The following PDE1A variants were observed in gnomAD, a reference collection of about 807,000 sequenced individuals.
PDE1A encodes dual specificity calcium/calmodulin-dependent 3',5'-cyclic nucleotide phosphodiesterase 1A.
Under a neutral mutation model 61.7 loss-of-function variants are expected in PDE1A, and 35 were observed. The ratio of observed to expected loss-of-function variants is 0.57; its 90% confidence interval spans 0.43 to 0.75. The LOEUF (loss-of-function observed/expected upper bound fraction) is 0.75, where lower values mean the gene tolerates loss of function less well. Among genes scored for constraint, PDE1A ranks in the 30% least tolerant of loss-of-function variants. PDE1A has a pLI of 0.00. For missense variants in PDE1A, 597 were observed against 630.6 expected (o/e 0.95, Z 0.57); for synonymous variants, 232 against 213.2 (o/e 1.09, Z -0.77).
At chr2:182,396,642 G>A (rs113206896) in intron 1 of PDE1A, among the ~76,000 whole-genome samples, 58 of 151,894 alleles carry the variant, frequency 3.8e-4, no homozygotes, top group African/African-American at 1.3e-3. Context: ...AGTAACATAA[G>A]ATTTATTGAC....
the PDE1A span, among the ~76,000 whole-genome samples, chr2:182,687,628 T>C: frequency 6.6e-6 from 1 of 152,142 alleles, no homozygotes. Flanking sequence ...CGAGCACCTC[T>C]CCTCCTCCAA....
chr2:182,577,835 G>T, the PDE1A span, among the ~76,000 whole-genome samples: 1 of 151,950 alleles, frequency 6.6e-6, no homozygotes. Context: ...TAGGAGAATC[G>T]CTTGAACCTG....
At chr2:182,349,053 A>G (rs1299323371) in intron 1 of PDE1A, among the ~76,000 whole-genome samples, 1 of 152,198 alleles carries the variant, frequency 6.6e-6, no homozygotes, top group African/African-American at 2.4e-5. Flanking sequence ...TGTCATTGCT[A>G]TAGTGATTTC....
chr2:182,436,103 C>T (rs1312037370), intron 2 of PDE1A, among the ~76,000 whole-genome samples: 3 of 151,954 alleles, frequency 2.0e-5, no homozygotes, highest in Non-Finnish European at 4.4e-5. Flanking sequence ...TAGGTTACAA[C>T]ACTTATTACC....
chr2:182,427,163 T>C (rs576759565), upstream of PDE1A: 1 of 197,152 alleles, frequency 5.1e-6, no homozygotes, highest in South Asian at 1.8e-4. Flanking sequence ...TCTCTTAAAA[T>C]AAGAACTGTA....
At chr2:182,197,879 G>T (rs922596468) in intron 10 of PDE1A, among the ~76,000 whole-genome samples, 45 of 151,746 alleles carry the variant, frequency 3.0e-4, no homozygotes, top group African/African-American at 1.0e-3. Flanking sequence ...AATTGTTTTA[G>T]CTGCCTTAGA....
intron 1 of PDE1A, among the ~76,000 whole-genome samples, chr2:182,342,634 G>C (rs1410869732): frequency 6.6e-6 from 1 of 152,218 alleles, no homozygotes; most frequent in Non-Finnish European, 1.5e-5. Flanking sequence ...AGTGAGCTGA[G>C]ATCGCGCCAC....
chr2:182,317,287 G>A (rs922920411), intron 1 of PDE1A, among the ~76,000 whole-genome samples: 29 of 151,132 alleles, frequency 1.9e-4, no homozygotes, highest in Non-Finnish European at 2.1e-4. Flanking sequence ...AGTACTATTG[G>A]ATAAAACTAT....
At chr2:182,635,663 T>C in the PDE1A span, among the ~76,000 whole-genome samples, 1 of 141,938 alleles carries the variant, frequency 7.0e-6, no homozygotes, top group African/African-American at 2.6e-5. Flanking sequence ...CACTTTGTTT[T>C]AAGAGTATCT....
chr2:182,669,122 A>G, the PDE1A span, among the ~76,000 whole-genome samples: 4 of 152,220 alleles, frequency 2.6e-5, no homozygotes, highest in African/African-American at 9.7e-5. Flanking sequence ...TGTTTCCCCC[A>G]AAGAAGCTAT....
At position 182,491,391 on chromosome 2, in the gene PDE1A, G is replaced by A. The variant is rs183318038; in HGVS notation, c.101+30885C>T. 3.5e-3 allele frequency among the ~76,000 whole-genome samples: 539 copies of A among 152,244 alleles called. 16 individuals are homozygous for A. Among genetic ancestry groups the A allele is most frequent in the East Asian group, 4.6e-3 (24 of 5,174 alleles). On this transcript the variant is annotated intron_variant, in intron 2 of 14. Coordinates refer to the PDE1A transcript ENST00000410103. ...CTGTGGCATTTAAGCTTCTTGGGGGGACATGGGCACATGGGAGGAGCAGAA... is the reference window on the plus strand; with the variant it reads ...CTGTGGCATTTAAGCTTCTTGGGGGAACATGGGCACATGGGAGGAGCAGAA...
chr2:182,202,041 C>T (rs956890605), intron 8 of PDE1A, among the ~76,000 whole-genome samples: 2 of 152,196 alleles, frequency 1.3e-5, no homozygotes, highest in African/African-American at 4.8e-5. Context: ...CTAGTGCTTT[C>T]CCTTCTCACT....
intron 13 of PDE1A, among the ~76,000 whole-genome samples, chr2:182,181,190 C>T (rs1223210146): frequency 1.3e-5 from 2 of 152,078 alleles, no homozygotes; most frequent in Admixed American, 6.6e-5. Context: ...GAATTTTCAG[C>T]GTTTTTGCAC....
At chr2:182,324,399 T>C (rs953305633) in intron 1 of PDE1A, among the ~76,000 whole-genome samples, 1 of 152,070 alleles carries the variant, frequency 6.6e-6, no homozygotes, top group Non-Finnish European at 1.5e-5. Flanking sequence ...TTGTTAAATA[T>C]GAAAATGATG....
At chr2:182,621,821 AG>A in the PDE1A span, among the ~76,000 whole-genome samples, 1 of 152,224 alleles carries the variant, frequency 6.6e-6, no homozygotes, top group Non-Finnish European at 1.5e-5. Flanking sequence ...TACATCCTGA[AG>A]AAAAATGAGC....
intron 2 of PDE1A, among the ~76,000 whole-genome samples, chr2:182,484,235 C>T (rs1203798196): frequency 6.6e-6 from 1 of 151,868 alleles, no homozygotes; most frequent in Non-Finnish European, 1.5e-5. Context: ...AGGAACACTT[C>T]CCAACTCTTT....
At chr2:182,211,127 A>G (rs1384523604) in intron 7 of PDE1A, among the ~76,000 whole-genome samples, 1 of 152,078 alleles carries the variant, frequency 6.6e-6, no homozygotes, top group Non-Finnish European at 1.5e-5. Flanking sequence ...ATACCTTCCA[A>G]CCCTGTCACA....
At chr2:182,398,469 A>T (rs1402648991) in intron 1 of PDE1A, among the ~76,000 whole-genome samples, 1 of 152,028 alleles carries the variant, frequency 6.6e-6, no homozygotes, top group Admixed American at 6.6e-5. Flanking sequence ...TTGACTCTTT[A>T]TCCTCTAGTA....
intron 10 of PDE1A, among the ~76,000 whole-genome samples, chr2:182,190,470 C>T (rs1685594527): frequency 6.6e-6 from 1 of 152,206 alleles, no homozygotes; most frequent in South Asian, 2.1e-4. Flanking sequence ...ATTGCTGTTA[C>T]TTCAGACACA....
Sources: gnomAD v4.1 joint callset for allele counts (sites outside exome capture counted in the v4.1 genomes callset) on GRCh38, gnomAD v4.1.1 for gene constraint, MANE v1.5 for transcripts, NCBI Gene and HGNC (gene_info 2026-07-23, HGNC 2026-07-21) for gene names.